U2SURP: variants seen among roughly 807,000 people sequenced by gnomAD.
The protein encoded by U2SURP is U2 snRNP associated SURP domain containing, also known as U2 snRNP-associated SURP motif-containing protein.
U2SURP carries 9 observed loss-of-function variants against 144.9 expected under a neutral mutation model. That is an observed-to-expected ratio of 0.06 (90% CI 0.04 to 0.11). U2SURP has a LOEUF of 0.11. Among genes scored for constraint, U2SURP ranks in the 10% least tolerant of loss-of-function variants. U2SURP has a pLI of 1.00. For missense variants in U2SURP, 724 were observed against 1,226.7 expected, an observed-to-expected ratio of 0.59 and a Z score of 6.12; for synonymous variants, 408 against 396.8, an observed-to-expected ratio of 1.03 and a Z score of -0.33.
intron 24 of U2SURP, among the ~76,000 whole-genome samples, chr3:143,043,755 T>C (rs765621818): frequency 1.3e-5 from 2 of 151,492 alleles, no homozygotes; most frequent in Admixed American, 6.6e-5. Context: ...TTATGTGTTA[T>C]GTACTGTGAG....
rs1935230705 is a variant in U2SURP, at chr3:143,058,112, A to T, written c.*1662A>T. The stretch of plus-strand genomic sequence containing the variant: ...CTGATACTCAAAAACCTACAAATGT[A>T]GCCATTTAAAAAGTAACATGTTTTT... On this transcript the variant is annotated 3_prime_UTR_variant, in exon 28 of 28. Transcript: ENST00000473835. 6.6e-6 allele frequency: 1 copy of T among 152,422 alleles called. No homozygotes were observed. The highest frequency in any genetic ancestry group is 2.4e-5 in the African/African-American group (1 of 41,440). 9.4% of individuals were successfully genotyped at this position (152,422 alleles called of 1,614,324 possible).
chr3:143,027,837 G>A (rs1446891738), intron 14 of U2SURP, among the ~76,000 whole-genome samples: 3 of 152,086 alleles, frequency 2.0e-5, no homozygotes, highest in African/African-American at 7.2e-5. Flanking sequence ...TTTTGATTTG[G>A]TTGATTAAAT....
At chr3:143,015,318 A>C (rs1428032645) in intron 4 of U2SURP, among the ~76,000 whole-genome samples, 1 of 152,068 alleles carries the variant, frequency 6.6e-6, no homozygotes, top group Non-Finnish European at 1.5e-5. Context: ...TACAAGGTAC[A>C]ATTTTTTTTC....
intron 1 of U2SURP, among the ~76,000 whole-genome samples, chr3:143,010,221 A>C (rs1021868396): frequency 6.6e-6 from 1 of 152,218 alleles, no homozygotes; most frequent in African/African-American, 2.4e-5. Flanking sequence ...ACATCACTGG[A>C]AGATATTATA....
intron 1 of U2SURP, among the ~76,000 whole-genome samples, chr3:143,002,031 G>A (rs1291295508): frequency 6.6e-6 from 1 of 152,244 alleles, no homozygotes; most frequent in African/African-American, 2.4e-5. Flanking sequence ...TGGGAGAGAG[G>A]CGGGAATCGC....
intron 16 of U2SURP, among the ~76,000 whole-genome samples, chr3:143,029,906 A>G (rs1933380930): frequency 1.3e-5 from 2 of 152,262 alleles, no homozygotes; most frequent in South Asian, 4.1e-4. Flanking sequence ...CAGACCAGCC[A>G]TAGCACTCCC....
chr3:143,014,202 TAA>T, intron 3 of U2SURP, 107 bp from the exon 4 acceptor site: 1 of 574,948 alleles, frequency 1.7e-6, no homozygotes, highest in Non-Finnish European at 2.8e-6. Flanking sequence ...CAATGAAATT[TAA>T]AAAAAAACGG....
intron 24 of U2SURP, among the ~76,000 whole-genome samples, chr3:143,046,053 A>C (rs1578163957): frequency 6.6e-6 from 1 of 152,122 alleles, no homozygotes; most frequent in African/African-American, 2.4e-5. Context: ...AAAGTTCTAA[A>C]TCAGTTTCTC....
chr3:143,038,764 T>C, intron 22 of U2SURP, 130 bp from the exon 23 acceptor site: 1 of 583,972 alleles, frequency 1.7e-6, no homozygotes, highest in South Asian at 2.4e-5. Context: ...ATTTAGAGAA[T>C]TGATAAACAT....
chr3:143,034,202 G>C (rs1274672520), intron 18 of U2SURP, among the ~76,000 whole-genome samples: 1 of 152,082 alleles, frequency 6.6e-6, no homozygotes, highest in Non-Finnish European at 1.5e-5. Flanking sequence ...TCAGAAGTTC[G>C]AGACCACCCT....
chr3:143,027,065 C>T, intron 13 of U2SURP, 84 bp from the exon 14 acceptor site: 1 of 1,052,554 alleles, frequency 9.5e-7, no homozygotes, highest in South Asian at 1.4e-5. Flanking sequence ...TCATTTTCTG[C>T]ACAATTATAG....
intron 23 of U2SURP, among the ~76,000 whole-genome samples, chr3:143,040,979 G>A (rs989356558): frequency 6.6e-6 from 1 of 151,510 alleles, no homozygotes; most frequent in Non-Finnish European, 1.5e-5. Flanking sequence ...ATTTTAATCT[G>A]TTTACCTGTT....
In U2SURP at chr3:143,034,995, A is replaced by T. The variant is rs376569848; in HGVS notation, c.1941+20A>T. The stretch of plus-strand genomic sequence containing the variant: ...TTTAAGGTACGTTTATTGTTTTACT[A>T]TTTTTGCCCTAGTGTTTTAAATGGG... On this transcript the variant is annotated intron_variant, in intron 19 of 27. Coordinates refer to ENST00000473835, the MANE Select transcript of U2SURP (RefSeq NM_001080415.2). 4.1e-6 allele frequency: 3 copies of T among 724,952 alleles called. No individual in the cohort carries two copies. Among genetic ancestry groups the T allele is most frequent in the South Asian group, 2.0e-5 (1 of 49,196 alleles). The allele number at this position is 724,952 out of a possible 1,614,324, so 44.9% of individuals were successfully genotyped here. A position where few individuals can be genotyped will look rare whatever the true frequency, so the allele number is the denominator to read the frequency against.
chr3:143,055,607 T>G (rs577687059), intron 27 of U2SURP, among the ~76,000 whole-genome samples: 1 of 152,314 alleles, frequency 6.6e-6, no homozygotes, highest in Non-Finnish European at 1.5e-5. Context: ...CAGAAATGTT[T>G]TATTTATCTG....
intron 1 of U2SURP, among the ~76,000 whole-genome samples, chr3:143,003,836 C>T (rs1452756357): frequency 6.6e-6 from 1 of 151,452 alleles, no homozygotes; most frequent in Non-Finnish European, 1.5e-5. Flanking sequence ...GGACTACAGG[C>T]GCCCGCCAGT....
chr3:143,003,673 ATTTCTTT>A (rs1158530720), intron 1 of U2SURP, among the ~76,000 whole-genome samples: 2 of 81,958 alleles, frequency 2.4e-5, no homozygotes, highest in East Asian at 3.6e-4. Flanking sequence ...TATTTATTTT[ATTTCTTT>A]TTTTTTTTTT....
chr3:143,043,003 T>C, intron 23 of U2SURP, 114 bp from the exon 24 acceptor site: 8 of 1,027,264 alleles, frequency 7.8e-6, no homozygotes, highest in African/African-American at 1.6e-5. Flanking sequence ...TGTCCTATTA[T>C]GTTTTGGCTA....
In U2SURP at chr3:143,038,886, T is replaced by C. The variant is rs2108300994; in HGVS notation, c.2318-8T>C. ...GTGGAATTACATCCTCCTTTTCCTT[T>C]CATTCAGCTGTTACAACTTCTAAAT... On this transcript the variant is annotated splice_polypyrimidine_tract_variant and splice_region_variant and intron_variant, in intron 22 of 27. Transcript: ENST00000473835. 6.5e-7 allele frequency: 1 copy of C among 1,537,716 alleles called. No homozygotes were observed. The highest frequency in any genetic ancestry group is 1.3e-5 in the South Asian group (1 of 79,536).
chr3:143,014,126 A>C (rs1261236847), intron 3 of U2SURP, among the ~76,000 whole-genome samples, 185 bp from the exon 4 acceptor site: 1 of 151,904 alleles, frequency 6.6e-6, no homozygotes, highest in African/African-American at 2.4e-5. Flanking sequence ...TTCTTTGATG[A>C]ATACTTAACA....
Sources: allele counts gnomAD v4.1 joint callset (sites outside exome capture counted in the v4.1 genomes callset), GRCh38; gene constraint gnomAD v4.1.1; transcripts MANE v1.5; gene names NCBI Gene and HGNC (gene_info 2026-07-23, HGNC 2026-07-21).